The following PCNT variants were observed in gnomAD, a reference collection of about 807,000 sequenced individuals.
The protein encoded by PCNT is kendrin.
In PCNT, 319 loss-of-function variants were observed where a neutral mutation model predicts 380.4. The ratio of observed to expected loss-of-function variants is 0.84; its 90% CI spans 0.77 to 0.92. The LOEUF is 0.92. PCNT is among the 40% of genes least tolerant of loss of function. The pLI is 0.00. For synonymous variants in PCNT, 1,845 were observed against 1,735.2 expected, an observed-to-expected ratio of 1.06 and a Z score of -1.57; for missense variants, 4,400 against 4,255.3, an observed-to-expected ratio of 1.03 and a Z score of -0.95.
chr21:46,351,363 A>G, intron 8 of PCNT, 66 bp from the exon 9 acceptor site: 1 of 859,088 alleles, frequency 1.2e-6, no homozygotes, highest in South Asian at 1.3e-5. Flanking sequence ...AAAACCGCAC[A>G]CGTCACTGCT....
At position 46,416,779 on chromosome 21, in the gene PCNT, GGC is replaced by G; in HGVS notation, c.6862_6863del (p.Ala2288ThrfsTer10). 1 of 1,603,240 alleles carries G rather than the reference GGC, an allele frequency of 6.2e-7. No individual in the cohort carries two copies. The highest frequency in any genetic ancestry group is 8.5e-7 in the Non-Finnish European group (1 of 1,178,752). ...CCCCAGGCGTGTCTGCAGCAGCGCT[GGC>G]ACTGCAGTGGGCCGAGTCTCCGCCG... ...CSPGVSAAALALQWAESPPAD... is the reference protein window; with the variant it reads ...CSPGVSAAALXLQWAESPPAD... On this transcript the variant is annotated frameshift_variant, in exon 30 of 47. Coordinates refer to ENST00000359568, the MANE Select transcript of PCNT (RefSeq NM_006031.6). LOFTEE classifies it high-confidence loss of function.
intron 9 of PCNT, among the ~76,000 whole-genome samples, 196 bp downstream of exon 9, chr21:46,351,736 T>C (rs1224120329): frequency 6.6e-6 from 1 of 152,232 alleles, no homozygotes; most frequent in East Asian, 1.9e-4. Context: ...GGTTTTATGC[T>C]AAGCAAGTCA....
At chr21:46,403,087 G>A (rs1299132395) in intron 27 of PCNT, among the ~76,000 whole-genome samples, 5 of 152,414 alleles carry the variant, frequency 3.3e-5, no homozygotes, top group African/African-American at 1.2e-4. Flanking sequence ...AAGACCTTGT[G>A]TAGAATCGTG....
intron 2 of PCNT, among the ~76,000 whole-genome samples, chr21:46,334,137 G>A (rs576748351): frequency 2.4e-4 from 37 of 151,734 alleles, no homozygotes; most frequent in African/African-American, 8.5e-4. Context: ...CCCAGGAGGC[G>A]GAGATTGCAG....
chr21:46,354,008 A>G lies in PCNT; in HGVS notation c.1701A>G (p.Glu567=). ...VEVGLSCVGL[E]EKPEKGRKDH... ...TCAGGTTGTCCTGTGTGGGTTTAGA[A>G]GAGAAACCTGAGAAAGGAAGAAAAG... The change falls in exon 11 of 47, where the codon GAA becomes GAG. Residue 567 remains glutamate, a synonymous_variant. Coordinates refer to ENST00000359568, the MANE Select transcript of PCNT (RefSeq NM_006031.6). The G allele has an allele frequency of 6.2e-7, 1 of 1,614,098 alleles. No homozygotes were observed. Among genetic ancestry groups the G allele is most frequent in the Non-Finnish European group, 8.5e-7 (1 of 1,179,950 alleles).
In PCNT at chr21:46,421,873, C is replaced by T. The variant is rs2087265712; in HGVS notation, c.7025-97C>T. ...ATCACGGTGTGGTTGTCGCTGGGGA[C>T]TGCGGGCCGATCACCCCTGTCCTGC... On this transcript the variant is annotated intron_variant, in intron 31 of 46. Coordinates refer to ENST00000359568, the MANE Select transcript of PCNT (RefSeq NM_006031.6). 5 of 1,352,388 alleles carry T rather than the reference C, an allele frequency of 3.7e-6. No homozygotes were observed. In the Admixed American group the frequency reaches 9.1e-5, roughly 25 times the overall value. The allele number at this position is 1,352,388 out of a possible 1,614,324, so 83.8% of individuals were successfully genotyped here.
At chr21:46,338,570 C>G (rs2083824437) in intron 3 of PCNT, among the ~76,000 whole-genome samples, 1 of 148,656 alleles carries the variant, frequency 6.7e-6, no homozygotes, top group African/African-American at 2.5e-5. Context: ...CATCTTTCTT[C>G]TAGCTTTTTT....
At chr21:46,430,856 T>A in intron 37 of PCNT, 199 bp downstream of exon 37, 1 of 985,040 alleles carries the variant, frequency 1.0e-6, no homozygotes, top group Non-Finnish European at 1.2e-6. Context: ...GGGCGAAGAG[T>A]GCGATGACCC....
At chr21:46,403,285 C>T (rs867959685) in intron 27 of PCNT, among the ~76,000 whole-genome samples, 12 of 141,008 alleles carry the variant, frequency 8.5e-5, no homozygotes, top group Middle Eastern at 7.7e-3. Context: ...GTGGTGCCCA[C>T]GCAGCGCGTG....
chr21:46,363,220 C>T (rs2084780578), intron 13 of PCNT, among the ~76,000 whole-genome samples: 1 of 152,134 alleles, frequency 6.6e-6, no homozygotes, highest in Non-Finnish European at 1.5e-5. Flanking sequence ...TGGTTGCTGT[C>T]AAGGCCACGG....
Position 46,379,256 on chromosome 21 carries a change from G to A in PCNT, c.3166-2438G>A, listed in dbSNP as rs561078318. Among the ~76,000 whole-genome samples the A allele has an allele frequency of 3.6e-5, 5 of 137,768 alleles. No individual in the cohort carries two copies. The South Asian group carries it at 6.4e-4, about 18-fold the overall frequency. The allele number at this position is 137,768 out of a possible 152,430, so 90.4% of individuals were successfully genotyped here. ...GGGCTGCGTGTCGTGAGCTGCGCCC[G>A]TCTTCCTGGGCTGCGTGTCGTGAGC... On this transcript the variant is annotated intron_variant, in intron 15 of 46. Coordinates refer to ENST00000359568, the MANE Select transcript of PCNT (RefSeq NM_006031.6).
At chr21:46,418,617 T>C (rs2087123262) in intron 31 of PCNT, among the ~76,000 whole-genome samples, 1 of 152,244 alleles carries the variant, frequency 6.6e-6, no homozygotes, top group South Asian at 2.1e-4. Flanking sequence ...AGTAGTGTCC[T>C]TTATGGAAAA....
intron 40 of PCNT, 45 bp from the exon 41 acceptor site, chr21:46,438,119 C>T (rs1368650437): frequency 1.4e-6 from 2 of 1,464,546 alleles, no homozygotes; most frequent in African/African-American, 1.4e-5. Context: ...AATGTTCATG[C>T]CCTTTAACAA....
chr21:46,336,674 C>T (rs1601766464), intron 3 of PCNT, among the ~76,000 whole-genome samples: 2 of 152,094 alleles, frequency 1.3e-5, no homozygotes, highest in African/African-American at 4.8e-5. Context: ...AAGACCTGGG[C>T]TCTAGGTGTG....
chr21:46,403,470 T>C (rs2086506691), intron 27 of PCNT, among the ~76,000 whole-genome samples: 1 of 115,414 alleles, frequency 8.7e-6, no homozygotes, highest in Non-Finnish European at 1.8e-5. Flanking sequence ...CGGCACGTGC[T>C]TGGTGAATGA....
intron 21 of PCNT, among the ~76,000 whole-genome samples, chr21:46,393,794 T>A (rs1046709189): frequency 5.3e-5 from 8 of 152,134 alleles, no homozygotes; most frequent in African/African-American, 1.7e-4. Flanking sequence ...CTGCCTTGCC[T>A]CTGGTTCATC....
chr21:46,405,023 G>A (rs1166458185), intron 27 of PCNT, among the ~76,000 whole-genome samples: 1 of 152,182 alleles, frequency 6.6e-6, no homozygotes, highest in Non-Finnish European at 1.5e-5. Flanking sequence ...AGGATCGTTT[G>A]AGCCCAGGAA....
At chr21:46,440,305 G>C in intron 42 of PCNT, 103 bp downstream of exon 42, 1 of 1,207,540 alleles carries the variant, frequency 8.3e-7, no homozygotes, top group Non-Finnish European at 1.2e-6. Flanking sequence ...CTCGTCTGCC[G>C]GGTGTAGCAG....
At chr21:46,429,313 G>A (rs1178760844) in intron 35 of PCNT, among the ~76,000 whole-genome samples, 2 of 96,410 alleles carry the variant, frequency 2.1e-5, no homozygotes, top group African/African-American at 6.3e-5. Flanking sequence ...CGCTGTGCGA[G>A]CGCTCGTGAG....
Sources: gnomAD v4.1 joint callset for allele counts (sites outside exome capture counted in the v4.1 genomes callset) on GRCh38, gnomAD v4.1.1 for gene constraint, MANE v1.5 for transcripts, NCBI Gene and HGNC (gene_info 2026-07-23, HGNC 2026-07-21) for gene names.